Variants in ANKS1B observed in about 807,000 individuals in gnomAD.
The protein encoded by ANKS1B is ankyrin repeat and sterile alpha motif domain containing 1B.
A neutral mutation model predicts 148.3 loss-of-function variants in ANKS1B; 36 were observed. The ratio of observed to expected loss-of-function variants is 0.24; its 90% CI spans 0.19 to 0.32. The LOEUF (loss-of-function observed/expected upper bound fraction) is 0.32. Among genes scored for constraint, ANKS1B ranks in the 10% least tolerant of loss-of-function variants. The pLI is 1.00. For synonymous variants in ANKS1B, 542 were observed against 560.8 expected (o/e 0.97, Z 0.47); for missense variants, 1,157 against 1,542.6 (o/e 0.75, Z 4.19).
intron 17 of ANKS1B, among the ~76,000 whole-genome samples, chr12:98,989,452 T>G (rs551681920): frequency 2.7e-4 from 41 of 152,354 alleles, no homozygotes; most frequent in Non-Finnish European, 8.8e-5. Context: ...TACTTTATTT[T>G]GTTCCATTGG....
intron 12 of ANKS1B, among the ~76,000 whole-genome samples, chr12:99,356,064 G>A (rs1326759072): frequency 6.6e-6 from 1 of 152,068 alleles, no homozygotes; most frequent in African/African-American, 2.4e-5. Flanking sequence ...AGAATATTGA[G>A]GGATTGGTCA....
intron 12 of ANKS1B, among the ~76,000 whole-genome samples, chr12:99,343,350 TG>T (rs954076694): frequency 4.6e-5 from 7 of 152,094 alleles, no homozygotes; most frequent in Admixed American, 3.3e-4. Context: ...ATTTGAAGTT[TG>T]TTTTTTTACA....
chr12:98,741,073 T>C (rs988794314), downstream of ANKS1B, among the ~76,000 whole-genome samples: 13 of 152,318 alleles, frequency 8.5e-5, no homozygotes, highest in African/African-American at 3.1e-4. Flanking sequence ...CTGAAGTTCA[T>C]GTTACATGAG....
At chr12:99,532,042 T>C (rs1323924132) in intron 9 of ANKS1B, among the ~76,000 whole-genome samples, 3 of 135,934 alleles carry the variant, frequency 2.2e-5, no homozygotes, top group Non-Finnish European at 4.7e-5. Context: ...GTAACGGGAT[T>C]GTTTTTTTTT....
intron 17 of ANKS1B, among the ~76,000 whole-genome samples, chr12:98,992,874 C>T (rs1483445614): frequency 6.6e-6 from 1 of 152,208 alleles, no homozygotes; most frequent in African/African-American, 2.4e-5. Context: ...GAGCAAGGAT[C>T]TATGATGCCT....
rs576947025 is a variant in ANKS1B at position 98,737,402 on chromosome 12, A to C, written c.691-1768T>G. ...TCTTTAAGATGACCCTCAAGAGCTGAAGGGCTGCCCTGCCCTCTCCTAGCA... is the reference window on the plus strand; with the variant it reads ...TCTTTAAGATGACCCTCAAGAGCTGCAGGGCTGCCCTGCCCTCTCCTAGCA... On this transcript the variant is annotated intron_variant, in intron 9 of 9. Transcript: ENST00000341752. 7.9e-5 allele frequency among the ~76,000 whole-genome samples: 12 copies of C among 152,312 alleles called. 1 individual carries two copies. The South Asian group carries it at 2.5e-3, about 32-fold the overall frequency.
At chr12:99,293,360 G>GA (rs1335316119) in intron 12 of ANKS1B, among the ~76,000 whole-genome samples, 1 of 151,872 alleles carries the variant, frequency 6.6e-6, no homozygotes, top group East Asian at 1.9e-4. Flanking sequence ...GGGGGGTGGG[G>GA]GCTGGGGAAG....
At chr12:99,512,178 A>G (rs2096773259) in intron 9 of ANKS1B, among the ~76,000 whole-genome samples, 1 of 152,072 alleles carries the variant, frequency 6.6e-6, no homozygotes, top group Non-Finnish European at 1.5e-5. Context: ...ACAAAAGTCT[A>G]ATATCCAGAA....
intron 22 of ANKS1B, among the ~76,000 whole-genome samples, chr12:98,789,683 C>T (rs1286081960): frequency 2.6e-5 from 4 of 151,944 alleles, no homozygotes; most frequent in Admixed American, 2.6e-4. Context: ...AGGGTGTTAC[C>T]CATAGTACTG....
At chr12:99,163,764 C>T (rs955240284) in intron 14 of ANKS1B, among the ~76,000 whole-genome samples, 1 of 152,072 alleles carries the variant, frequency 6.6e-6, no homozygotes, top group Admixed American at 6.6e-5. Context: ...CAGCAGAATT[C>T]CTCTGAAATC....
At chr12:98,907,998 C>T (rs2099781730) in intron 17 of ANKS1B, among the ~76,000 whole-genome samples, 1 of 152,138 alleles carries the variant, frequency 6.6e-6, no homozygotes, top group African/African-American at 2.4e-5. Flanking sequence ...TTATAAATTA[C>T]CCGGTCTCAG....
chr12:99,396,938 G>A (rs1359688804), intron 12 of ANKS1B, among the ~76,000 whole-genome samples: 1 of 152,012 alleles, frequency 6.6e-6, no homozygotes. Context: ...CCCATTTTAG[G>A]TTTTCAAATC....
chr12:98,894,589 C>A, intron 17 of ANKS1B: 2 of 985,284 alleles, frequency 2.0e-6, no homozygotes. Flanking sequence ...TCTCGGCGAG[C>A]GGGGGCCGCG....
At chr12:99,412,092 C>A (rs573766315) in intron 11 of ANKS1B, among the ~76,000 whole-genome samples, 51 of 151,976 alleles carry the variant, frequency 3.4e-4, no homozygotes, top group Admixed American at 1.0e-3. Context: ...TCAAGTATTC[C>A]ATTTTTAAAA....
At chr12:99,065,590 T>TCATCCATCCATC (rs200122902) in intron 16 of ANKS1B, among the ~76,000 whole-genome samples, 37 of 67,454 alleles carry the variant, frequency 5.5e-4, no homozygotes, top group South Asian at 8.6e-4. Context: ...TCCATTCCAT[T>TCATCCATCCATC]CATCCATCCA....
At chr12:99,891,105 C>T (rs1319416600) in intron 1 of ANKS1B, among the ~76,000 whole-genome samples, 7 of 152,208 alleles carry the variant, frequency 4.6e-5, no homozygotes, top group Admixed American at 2.0e-4. Flanking sequence ...CATTTTGTAG[C>T]GTGCATCAAT....
intron 17 of ANKS1B, among the ~76,000 whole-genome samples, chr12:98,896,162 A>G (rs1395898561): frequency 1.3e-5 from 2 of 152,236 alleles, no homozygotes; most frequent in Admixed American, 6.5e-5. Flanking sequence ...AATGGTTAAC[A>G]TTATGAGGAA....
chr12:98,929,454 G>A (rs2099811861), intron 17 of ANKS1B, among the ~76,000 whole-genome samples: 1 of 151,872 alleles, frequency 6.6e-6, no homozygotes, highest in Non-Finnish European at 1.5e-5. Flanking sequence ...AAATGCAAAG[G>A]ACCCAAGATA....
At chr12:99,208,595 G>T (rs1269955637) in intron 14 of ANKS1B, among the ~76,000 whole-genome samples, 2 of 152,032 alleles carry the variant, frequency 1.3e-5, no homozygotes, top group African/African-American at 4.8e-5. Flanking sequence ...TATGCTACGG[G>T]ACATTGAATA....
Sources: allele counts gnomAD v4.1 joint callset (sites outside exome capture counted in the v4.1 genomes callset), GRCh38; gene constraint gnomAD v4.1.1; transcripts MANE v1.5; gene names NCBI Gene and HGNC (gene_info 2026-07-23, HGNC 2026-07-21).